The following DLGAP1 variants were observed in gnomAD, a reference collection of about 807,000 sequenced individuals.
The protein encoded by DLGAP1 is DLG associated protein 1.
DLGAP1 carries 11 observed loss-of-function variants against 90.8 expected under a neutral mutation model. The ratio of observed to expected loss-of-function variants is 0.12; its 90% CI spans 0.08 to 0.20. The LOEUF (loss-of-function observed/expected upper bound fraction) is 0.20. DLGAP1 is among the 10% of genes least tolerant of loss of function. The pLI is 1.00. For missense variants in DLGAP1, 1,050 were observed against 1,333.8 expected (o/e 0.79, Z 3.31); for synonymous variants, 558 against 540.7 (o/e 1.03, Z -0.44).
intron 1 of DLGAP1, among the ~76,000 whole-genome samples, chr18:4,375,810 T>C (rs553279860): frequency 2.6e-5 from 4 of 152,160 alleles, no homozygotes; most frequent in African/African-American, 7.2e-5. Flanking sequence ...GAATTTATCA[T>C]ACTAAATGTT....
chr18:3,863,233 AACTAG>A (rs2070189085), intron 4 of DLGAP1, among the ~76,000 whole-genome samples: 1 of 152,172 alleles, frequency 6.6e-6, no homozygotes, highest in East Asian at 1.9e-4. Context: ...GACAGCAGAG[AACTAG>A]ACTACCTGAT....
intron 1 of DLGAP1, among the ~76,000 whole-genome samples, chr18:4,355,549 G>A (rs559345352): frequency 8.0e-4 from 121 of 152,140 alleles, no homozygotes; most frequent in Middle Eastern, 3.4e-3. Context: ...ATCTACATAC[G>A]TGATAAAATT....
chr18:4,165,690 C>G (rs1336398931), intron 1 of DLGAP1, among the ~76,000 whole-genome samples: 1 of 152,100 alleles, frequency 6.6e-6, no homozygotes, highest in Non-Finnish European at 1.5e-5. Flanking sequence ...GGCTCCCACA[C>G]TTTACTTAAA....
intron 4 of DLGAP1, 82 bp from the exon 5 acceptor site, chr18:3,814,355 AT>A: frequency 8.0e-7 from 1 of 1,242,904 alleles, no homozygotes; most frequent in Non-Finnish European, 1.1e-6. Context: ...TAGATTTAAC[AT>A]TTCTATTTTT....
intron 1 of DLGAP1, among the ~76,000 whole-genome samples, chr18:4,179,934 T>C (rs2077178513): frequency 6.6e-6 from 1 of 152,110 alleles, no homozygotes; most frequent in Admixed American, 6.5e-5. Flanking sequence ...ATCAGTTGTT[T>C]TGGGGTGAGT....
chr18:3,890,774 G>T (rs2071438937), intron 3 of DLGAP1, among the ~76,000 whole-genome samples: 1 of 152,110 alleles, frequency 6.6e-6, no homozygotes, highest in Non-Finnish European at 1.5e-5. Flanking sequence ...TATCACCCAA[G>T]GTGGAGTGCA....
In DLGAP1 at chr18:4,226,371, G is replaced by A. The variant is rs145610269; in HGVS notation, c.-266-75084C>T. Reference sequence around the variant, plus strand: ...TGAAGGTATAAAAATCAATGGTAACGGTAAATGCACAGGAAAACAAAATAT... The same window carrying A: ...TGAAGGTATAAAAATCAATGGTAACAGTAAATGCACAGGAAAACAAAATAT... On this transcript the variant is annotated intron_variant, in intron 1 of 12. Transcript: ENST00000315677. Among the ~76,000 whole-genome samples, 15 of 152,104 alleles carry A rather than the reference G, an allele frequency of 9.9e-5. No homozygotes were observed. In the East Asian group the frequency reaches 1.9e-3, roughly 20 times the overall value.
chr18:4,129,449 T>A (rs1164643680), intron 2 of DLGAP1, among the ~76,000 whole-genome samples: 1 of 152,174 alleles, frequency 6.6e-6, no homozygotes, highest in Non-Finnish European at 1.5e-5. Flanking sequence ...CCTCTATCTT[T>A]CCTTCATCAT....
At chr18:3,832,508 T>C (rs2068084445) in intron 4 of DLGAP1, among the ~76,000 whole-genome samples, 1 of 152,174 alleles carries the variant, frequency 6.6e-6, no homozygotes. Flanking sequence ...AATTATTCGT[T>C]TAGACTAAAA....
chr18:3,729,426 C>T lies in DLGAP1; in HGVS notation c.1351-51G>A. 1 of 1,579,014 alleles carries T rather than the reference C, an allele frequency of 6.3e-7. No individual in the cohort carries two copies. Among genetic ancestry groups the T allele is most frequent in the Non-Finnish European group, 8.6e-7 (1 of 1,157,530 alleles). ...CACTCGCCTCCACCTGGTGGAGGAT[C>T]AACCTCTCCAAGCATCTGCGAACTT... On this transcript the variant is annotated intron_variant, in intron 6 of 12. Coordinates refer to ENST00000315677, the MANE Select transcript of DLGAP1 (RefSeq NM_004746.4). The surrounding 1 kb of genome is among the most constrained non-coding windows in gnomAD (Gnocchi z 6.2).
chr18:3,845,538 C>CA, intron 4 of DLGAP1: 1 of 985,360 alleles, frequency 1.0e-6, no homozygotes, highest in Non-Finnish European at 1.2e-6. Flanking sequence ...TCAGCCTGTG[C>CA]AATTTTGCAT....
At chr18:4,423,851 T>TTA (rs367572074) in intron 1 of DLGAP1, among the ~76,000 whole-genome samples, 12 of 120,630 alleles carry the variant, frequency 9.9e-5, no homozygotes, top group Middle Eastern at 4.9e-3. Context: ...CCCAGGAATT[T>TTA]AAAAAAAAAA....
intron 3 of DLGAP1, among the ~76,000 whole-genome samples, chr18:3,923,024 C>G (rs1262593950): frequency 2.0e-5 from 3 of 149,262 alleles, no homozygotes; most frequent in African/African-American, 7.3e-5. Flanking sequence ...GTCCCAGCTA[C>G]TCGGGAGGCT....
chr18:4,192,543 G>A (rs2077421368), intron 1 of DLGAP1, among the ~76,000 whole-genome samples: 1 of 152,174 alleles, frequency 6.6e-6, no homozygotes, highest in Non-Finnish European at 1.5e-5. Flanking sequence ...CGAAAGGTAT[G>A]CCGCCAAACA....
chr18:4,413,399 G>A (rs2082825119), intron 1 of DLGAP1, among the ~76,000 whole-genome samples: 1 of 152,106 alleles, frequency 6.6e-6, no homozygotes, highest in Non-Finnish European at 1.5e-5. Flanking sequence ...TCAAGGCCTG[G>A]CCCCCTTGCT....
At position 4,027,503 on chromosome 18, in the gene DLGAP1, CAAAAAAAAAAAAAA is replaced by C. The variant is rs59592467; in HGVS notation, c.-158-22316_-158-22303del. Among the ~76,000 whole-genome samples the C allele has an allele frequency of 7.3e-3, 404 of 55,634 alleles. 2 individuals are homozygous for C. Among genetic ancestry groups the C allele is most frequent in the Non-Finnish European group, 0.011 (341 of 32,204 alleles). 36.5% of individuals were successfully genotyped at this position (55,634 alleles called of 152,430 possible). ...TAGGTGACAGAGCAAGACTCCGTCT[CAAAAAAAAAAAAAA>C]AAAAAAAAAAAAAAAAAAAGAATAA... On this transcript the variant is annotated intron_variant, in intron 2 of 12. Transcript: ENST00000315677.
chr18:4,434,278 G>A (rs1363352142), intron 1 of DLGAP1, among the ~76,000 whole-genome samples: 2 of 151,890 alleles, frequency 1.3e-5, no homozygotes, highest in Non-Finnish European at 2.9e-5. Flanking sequence ...GCATCTTTGA[G>A]CACAATGAAA....
intron 3 of DLGAP1, among the ~76,000 whole-genome samples, chr18:3,892,672 C>A (rs28609493): frequency 1.3e-5 from 2 of 151,848 alleles, no homozygotes; most frequent in Non-Finnish European, 2.9e-5. Flanking sequence ...TGGTACATGT[C>A]GCATATATAA....
At chr18:3,754,102 G>C (rs1317127530) in intron 5 of DLGAP1, among the ~76,000 whole-genome samples, 2 of 152,156 alleles carry the variant, frequency 1.3e-5, no homozygotes, top group Non-Finnish European at 2.9e-5. Flanking sequence ...TCAGGCTCAG[G>C]AGATTCTCTC....
Sources: gnomAD v4.1 joint callset for allele counts (sites outside exome capture counted in the v4.1 genomes callset) on GRCh38, gnomAD v4.1.1 for gene constraint, Gnocchi (gnomAD v3.1) non-coding constraint, MANE v1.5 for transcripts, NCBI Gene and HGNC (gene_info 2026-07-23, HGNC 2026-07-21) for gene names.